The following STX8 variants were observed in gnomAD, a reference collection of about 807,000 sequenced individuals.
The protein encoded by STX8 is syntaxin 8, also known as syntaxin-8.
A neutral mutation model predicts 37.5 loss-of-function variants in STX8; 23 were observed. The ratio of observed to expected loss-of-function variants is 0.61; its 90% CI spans 0.44 to 0.87. STX8 has a LOEUF of 0.87. Among genes scored for constraint, STX8 ranks in the 40% least tolerant of loss-of-function variants. The pLI is 0.00. For missense variants in STX8, 313 were observed against 284.7 expected (o/e 1.10, Z -0.71); for synonymous variants, 115 against 99.1 (o/e 1.16, Z -0.95).
intron 4 of STX8, among the ~76,000 whole-genome samples, chr17:9,523,311 C>CAAA (rs34297134): frequency 8.1e-6 from 1 of 123,278 alleles, no homozygotes; most frequent in Non-Finnish European, 1.7e-5. Context: ...GACTCCATCT[C>CAAA]AAAAAAAAAA....
In STX8 at chr17:9,415,490, C is replaced by T. The variant is rs928576431; in HGVS notation, c.542-36837G>A. Among the ~76,000 whole-genome samples, 144 of 151,898 alleles carry T rather than the reference C, an allele frequency of 9.5e-4. 4 individuals are homozygous for T. Among genetic ancestry groups the T allele is most frequent in the Admixed American group, 9.3e-3 (142 of 15,248 alleles). On this transcript the variant is annotated intron_variant, in intron 6 of 7. Coordinates refer to ENST00000306357, the MANE Select transcript of STX8 (RefSeq NM_004853.3). ...GACTGTTACAAAAGCAATGGCTTTT[C>T]GGCGGGTGCGGTGGCTCACTCCTGT...
intron 7 of STX8, among the ~76,000 whole-genome samples, chr17:9,297,598 T>C (rs1222017937): frequency 3.3e-5 from 5 of 152,206 alleles, no homozygotes; most frequent in Non-Finnish European, 5.9e-5. Flanking sequence ...CCGGATGCAG[T>C]AGCTCACGCC....
At chr17:9,311,061 A>C (rs1291925332) in intron 7 of STX8, among the ~76,000 whole-genome samples, 1 of 152,046 alleles carries the variant, frequency 6.6e-6, no homozygotes, top group Non-Finnish European at 1.5e-5. Context: ...ACGTGGTGAA[A>C]CCGCATCTCT....
intron 7 of STX8, among the ~76,000 whole-genome samples, chr17:9,362,150 G>A (rs747360433): frequency 6.6e-6 from 1 of 152,204 alleles, no homozygotes; most frequent in Non-Finnish European, 1.5e-5. Context: ...GGCCACCATG[G>A]TGAAACCCCG....
chr17:9,448,731 G>C (rs921373952), intron 6 of STX8, among the ~76,000 whole-genome samples: 3 of 152,096 alleles, frequency 2.0e-5, no homozygotes, highest in African/African-American at 7.2e-5. Flanking sequence ...CCCTAACGCT[G>C]TATTTCCCCT....
intron 6 of STX8, among the ~76,000 whole-genome samples, chr17:9,419,274 T>C (rs905939439): frequency 6.6e-6 from 1 of 151,656 alleles, no homozygotes; most frequent in African/African-American, 2.4e-5. Context: ...TCTCACTATG[T>C]TGAGATCGCC....
At chr17:9,413,061 T>C (rs913771249) in intron 6 of STX8, among the ~76,000 whole-genome samples, 2 of 152,182 alleles carry the variant, frequency 1.3e-5, no homozygotes, top group Admixed American at 6.5e-5. Flanking sequence ...GACTGACTGA[T>C]GGAGATACAA....
At chr17:9,273,208 TCAAA>T (rs1431102466) in intron 7 of STX8, 1 of 152,212 alleles carries the variant, frequency 6.6e-6, no homozygotes. Context: ...TGTATAAACC[TCAAA>T]CAAACTTACC....
chr17:9,575,450 T>C (rs1417671488), intron 1 of STX8, among the ~76,000 whole-genome samples: 1 of 152,136 alleles, frequency 6.6e-6, no homozygotes, highest in East Asian at 1.9e-4. Context: ...TTCACTTTTA[T>C]AGGAGTCCAG....
rs570959280 is a variant in STX8, at chr17:9,358,637, C to T, written c.643+19915G>A. On this transcript the variant is annotated intron_variant, in intron 7 of 7. Coordinates refer to ENST00000306357, the MANE Select transcript of STX8 (RefSeq NM_004853.3). ...TCGGTGACACATTGAGGAGAGAAAG[C>T]GGCTGGTGAGGCCACACAAAAGAAA... Among the ~76,000 whole-genome samples the T allele has an allele frequency of 9.2e-5, 14 of 152,256 alleles. 1 individual carries two copies. In the South Asian group the frequency reaches 2.5e-3, roughly 27 times the overall value.
At chr17:9,326,113 G>A (rs1189291831) in intron 7 of STX8, among the ~76,000 whole-genome samples, 1 of 150,540 alleles carries the variant, frequency 6.6e-6, no homozygotes, top group African/African-American at 2.5e-5. Context: ...AGCCACCTTT[G>A]GTTCTTCCCT....
intron 6 of STX8, among the ~76,000 whole-genome samples, chr17:9,441,311 G>GCA (rs1316058612): frequency 1.8e-4 from 28 of 151,826 alleles, no homozygotes; most frequent in Admixed American, 1.4e-3. Context: ...CCAACATGAT[G>GCA]AAACCCTGTC....
At chr17:9,342,224 G>A (rs1910385007) in intron 7 of STX8, among the ~76,000 whole-genome samples, 1 of 152,080 alleles carries the variant, frequency 6.6e-6, no homozygotes, top group African/African-American at 2.4e-5. Context: ...AGCTCAGGTG[G>A]TAATGCTCGC....
chr17:9,359,922 A>G (rs745983154), intron 7 of STX8, among the ~76,000 whole-genome samples: 11 of 152,040 alleles, frequency 7.2e-5, no homozygotes, highest in African/African-American at 1.2e-4. Context: ...GCTTCAGAGA[A>G]GAGCCTCATT....
chr17:9,547,642 A>AAAAG lies in STX8; in HGVS notation c.213-2361_213-2360insCTTT, dbSNP rs1555536292. On this transcript the variant is annotated intron_variant, in intron 3 of 7. Transcript: ENST00000306357. ...GACTCCGTCTCAAAAAAAAAAAAGAAAAAAGAAAAGAAAAGAAAAGAAATA... is the reference window on the plus strand; with the variant it reads ...GACTCCGTCTCAAAAAAAAAAAAGAAAAAGAAAAGAAAAGAAAAGAAAAGAAATA... Among the ~76,000 whole-genome samples the AAAAG allele has an allele frequency of 4.6e-4, 53 of 115,856 alleles. 6 individuals carry two copies. The highest frequency in any genetic ancestry group is 4.2e-3 in the South Asian group (15 of 3,584). 76.0% of individuals were successfully genotyped at this position (115,856 alleles called of 152,430 possible).
intron 6 of STX8, among the ~76,000 whole-genome samples, chr17:9,406,086 G>GT (rs1476401716): frequency 6.6e-6 from 1 of 152,178 alleles, no homozygotes; most frequent in Non-Finnish European, 1.5e-5. Context: ...ACGGCTTCAT[G>GT]TATTTCCTTT....
At chr17:9,297,502 C>T (rs1908607791) in intron 7 of STX8, among the ~76,000 whole-genome samples, 1 of 152,190 alleles carries the variant, frequency 6.6e-6, no homozygotes, top group African/African-American at 2.4e-5. Flanking sequence ...TCTTTTATTT[C>T]AGCATTCGTG....
At chr17:9,399,222 G>A (rs1346754374) in intron 6 of STX8, among the ~76,000 whole-genome samples, 1 of 152,082 alleles carries the variant, frequency 6.6e-6, no homozygotes, top group Non-Finnish European at 1.5e-5. Flanking sequence ...AATCTCAGCA[G>A]GCCCATTTCT....
intron 6 of STX8, among the ~76,000 whole-genome samples, chr17:9,467,741 A>T (rs1905678110): frequency 6.6e-6 from 1 of 152,184 alleles, no homozygotes. Flanking sequence ...GGCATGGAAG[A>T]GAAGCAAGGA....
Sources: gnomAD v4.1 joint callset for allele counts (sites outside exome capture counted in the v4.1 genomes callset) on GRCh38, gnomAD v4.1.1 for gene constraint, MANE v1.5 for transcripts, NCBI Gene and HGNC (gene_info 2026-07-23, HGNC 2026-07-21) for gene names.